Variants in ISG20 observed in about 807,000 individuals in gnomAD.
The protein encoded by ISG20 is interferon-stimulated gene 20 kDa protein.
ISG20 carries 8 observed loss-of-function variants against 11.1 expected under a neutral mutation model. The observed-to-expected ratio is 0.72, with a 90% CI of 0.42 to 1.30. ISG20 has a LOEUF of 1.30. Ranked by LOEUF, ISG20 falls within the 50% of genes most tolerant of loss-of-function variation. ISG20 has a pLI of 0.01. For missense variants in ISG20, 243 were observed against 250.2 expected (o/e 0.97, Z 0.19); for synonymous variants, 110 against 101.7 (o/e 1.08, Z -0.49).
intron 2 of ISG20, among the ~76,000 whole-genome samples, chr15:88,640,195 G>A (rs1367053936): frequency 1.3e-5 from 2 of 152,176 alleles, no homozygotes; most frequent in African/African-American, 4.8e-5. Context: ...AAACTTAAAG[G>A]TGTCAACACG....
At chr15:88,654,490 G>GAC (rs1477075138) in intron 3 of ISG20, among the ~76,000 whole-genome samples, 1 of 152,218 alleles carries the variant, frequency 6.6e-6, no homozygotes, top group African/African-American at 2.4e-5. Flanking sequence ...GTCCTCTCTC[G>GAC]ACAGAGGGAC....
chr15:88,651,773 A>C lies in ISG20; in HGVS notation c.229-337A>C. On this transcript the variant is annotated intron_variant, in intron 2 of 3. Coordinates refer to ENST00000306072, the MANE Select transcript of ISG20 (RefSeq NM_002201.6). ...GTCATTATTCTGCCTGCCATAATAG[A>C]ATTGTTGGGAAGATTAAACAACATA... 3 of 1,082,522 alleles carry C rather than the reference A, an allele frequency of 2.8e-6. No individual in the cohort carries two copies. In the South Asian group the frequency reaches 9.0e-5, roughly 33 times the overall value. The allele number at this position is 1,082,522 out of a possible 1,614,324, so 67.1% of individuals were successfully genotyped here. A position where few individuals can be genotyped will look rare whatever the true frequency, so the allele number is the denominator to read the frequency against.
rs2058119229 is a variant in ISG20, at chr15:88,643,649, A to C, written c.228+4055A>C. On this transcript the variant is annotated intron_variant, in intron 2 of 3. Transcript: ENST00000306072. This position sits in a 1 kb window ranked among gnomAD's most constrained non-coding sequence, Gnocchi z 4.4. ...AACCCAGGAGGCGGAAGTTGCAGTG[A>C]GCCAAGATCGTGCCACTGCCACTCC... Among the ~76,000 whole-genome samples, 1 of 152,196 alleles carries C rather than the reference A, an allele frequency of 6.6e-6. No homozygotes were observed. Among genetic ancestry groups the C allele is most frequent in the South Asian group, 2.1e-4 (1 of 4,836 alleles).
At chr15:88,638,409 C>T (rs764581555), upstream of ISG20, among the ~76,000 whole-genome samples, 1 of 152,218 alleles carries the variant, frequency 6.6e-6, no homozygotes, top group Non-Finnish European at 1.5e-5. Context: ...TCCCCGAAGG[C>T]CTGCTTCTCC....
At position 88,643,658 on chromosome 15, in the gene ISG20, C is replaced by T. The variant is rs975948362; in HGVS notation, c.228+4064C>T. On this transcript the variant is annotated intron_variant, in intron 2 of 3. Coordinates refer to ENST00000306072, the MANE Select transcript of ISG20 (RefSeq NM_002201.6). This position sits in a 1 kb window ranked among gnomAD's most constrained non-coding sequence, Gnocchi z 4.4. ...GGCGGAAGTTGCAGTGAGCCAAGAT[C>T]GTGCCACTGCCACTCCAGCCTGGGC... Among the ~76,000 whole-genome samples the T allele has an allele frequency of 1.3e-5, 2 of 152,128 alleles. No homozygotes were observed. Among genetic ancestry groups the T allele is most frequent in the African/African-American group, 2.4e-5 (1 of 41,412 alleles).
chr15:88,652,601 C>T (rs1472036546), intron 3 of ISG20, among the ~76,000 whole-genome samples: 2 of 89,388 alleles, frequency 2.2e-5, no homozygotes, highest in Non-Finnish European at 4.6e-5. Flanking sequence ...CGCTCTTCTC[C>T]CCTTCTTCCC....
intron 2 of ISG20, among the ~76,000 whole-genome samples, chr15:88,641,342 C>T (rs781073760): frequency 3.3e-5 from 5 of 151,952 alleles, no homozygotes; most frequent in Non-Finnish European, 5.9e-5. Flanking sequence ...AACTGGGGCT[C>T]GCTTGATTAT....
chr15:88,643,936 C>T lies in ISG20; in HGVS notation c.228+4342C>T, dbSNP rs955522298. Among the ~76,000 whole-genome samples the T allele has an allele frequency of 3.9e-5, 6 of 152,126 alleles. 1 individual carries two copies. In the South Asian group the frequency reaches 1.0e-3, roughly 26 times the overall value. On this transcript the variant is annotated intron_variant, in intron 2 of 3. Coordinates refer to ENST00000306072, the MANE Select transcript of ISG20 (RefSeq NM_002201.6). This position sits in a 1 kb window ranked among gnomAD's most constrained non-coding sequence, Gnocchi z 4.4. ...TGTTCCAATGAGCATTTCCTTTGAG[C>T]GTCATGTTGGCACTCAGAAAGTTTA...
chr15:88,650,260 C>T lies in ISG20; in HGVS notation c.229-1850C>T, dbSNP rs1596057727. 3 of 1,535,596 alleles carry T rather than the reference C, an allele frequency of 2.0e-6. No individual in the cohort carries two copies. Among genetic ancestry groups the T allele is most frequent in the East Asian group, 4.9e-5 (2 of 40,922 alleles). ...GTCCCCTTCCCATCCTCTCCAACGG[C>T]AGCTGAGTGAAAGCAAGCTGACTGG... On this transcript the variant is annotated intron_variant, in intron 2 of 3. Coordinates refer to ENST00000306072, the MANE Select transcript of ISG20 (RefSeq NM_002201.6). This position sits in a 1 kb window ranked among gnomAD's most constrained non-coding sequence, Gnocchi z 4.0.
At chr15:88,644,686 G>C (rs2058141007) in intron 2 of ISG20, among the ~76,000 whole-genome samples, 1 of 152,176 alleles carries the variant, frequency 6.6e-6, no homozygotes, top group Admixed American at 6.5e-5. Flanking sequence ...AGAAAGGTGA[G>C]GGCAACATGA....
rs764337407 is a variant in ISG20 at position 88,639,564 on chromosome 15, G to A, written c.198G>A (p.Gly66=). The change falls in exon 2 of 4, where the codon GGG becomes GGA. Residue 66 remains glycine (G), a synonymous_variant. Coordinates refer to ENST00000306072, the MANE Select transcript of ISG20 (RefSeq NM_002201.6). The surrounding 1 kb of genome is among the most constrained non-coding windows in gnomAD (Gnocchi z 4.2). ...VSGVTPQHMV[G]ATPFAVARLE... Reference sequence around the variant, plus strand: ...GGGTCACCCCTCAGCACATGGTGGGGGCCACACCATTTGCCGTGGCCAGGC... The same window carrying A: ...GGGTCACCCCTCAGCACATGGTGGGAGCCACACCATTTGCCGTGGCCAGGC... The A allele has an allele frequency of 2.5e-6, 4 of 1,614,164 alleles. No individual in the cohort carries two copies. In the East Asian group the frequency reaches 8.9e-5, roughly 36 times the overall value.
In ISG20 at chr15:88,650,916, A is replaced by G. The variant is rs536474307; in HGVS notation, c.229-1194A>G. ...GCCTCCCGAGTAACTGGGAATAGCC[A>G]CGGCGCATGGGTAATTTTTGCATTT... On this transcript the variant is annotated intron_variant, in intron 2 of 3. Coordinates refer to ENST00000306072, the MANE Select transcript of ISG20 (RefSeq NM_002201.6). The surrounding 1 kb of genome is among the most constrained non-coding windows in gnomAD (Gnocchi z 4.0). 1 of 152,734 alleles carries G rather than the reference A, an allele frequency of 6.5e-6. No individual in the cohort carries two copies. The highest frequency in any genetic ancestry group is 1.5e-5 in the Non-Finnish European group (1 of 68,524). The allele number at this position is 152,734 out of a possible 1,614,324, so 9.5% of individuals were successfully genotyped here.
At chr15:88,652,074 G>T in intron 2 of ISG20, 36 bp from the exon 3 acceptor site, 1 of 1,613,226 alleles carries the variant, frequency 6.2e-7, no homozygotes, top group Non-Finnish European at 8.5e-7. Flanking sequence ...GAAGATGCTG[G>T]GTCATGTAGG....
rs186911322 is a variant in ISG20 at position 88,650,483 on chromosome 15, C to A, written c.229-1627C>A. On this transcript the variant is annotated intron_variant, in intron 2 of 3. Coordinates refer to ENST00000306072, the MANE Select transcript of ISG20 (RefSeq NM_002201.6). This position sits in a 1 kb window ranked among gnomAD's most constrained non-coding sequence, Gnocchi z 4.0. ...AGGCCTGGCTTTGCCACTAACTAGC[C>A]GTGTGACTGTCCCAGTTATCAAATG... 95 of 1,422,870 alleles carry A rather than the reference C, an allele frequency of 6.7e-5. No homozygotes were observed. In the African/African-American group the frequency reaches 1.2e-3, roughly 18 times the overall value. 88.1% of individuals were successfully genotyped at this position (1,422,870 alleles called of 1,614,324 possible). A position where few individuals can be genotyped will look rare whatever the true frequency, so the allele number is the denominator to read the frequency against.
chr15:88,644,313 C>T (rs1212775457), intron 2 of ISG20, among the ~76,000 whole-genome samples: 1 of 151,950 alleles, frequency 6.6e-6, no homozygotes, highest in East Asian at 1.9e-4. Flanking sequence ...GTGGGCAGAT[C>T]ACCAGAGGTC....
upstream of ISG20, among the ~76,000 whole-genome samples, chr15:88,636,877 G>A (rs1291677895): frequency 2.0e-5 from 3 of 152,158 alleles, no homozygotes; most frequent in Non-Finnish European, 2.9e-5. Flanking sequence ...ATGGAAAGAC[G>A]TCATGGAATG....
Position 88,652,160 on chromosome 15 carries a change from C to T in ISG20, c.279C>T (p.His93=), listed in dbSNP as rs755528093. 46 of 1,613,968 alleles carry T rather than the reference C, an allele frequency of 2.9e-5. No homozygotes were observed. The highest frequency in any genetic ancestry group is 3.3e-5 in the Non-Finnish European group (39 of 1,180,004). ...TGGTGGTGGGTCATGACCTGAAGCA[C>T]GACTTCCAGGCACTGAAAGAGGACA... is the stretch of plus-strand genomic sequence containing the variant. ...GKLVVGHDLK[H]DFQALKEDMS... Residue 93 remains histidine (H), a synonymous_variant, in exon 3 of 4, where the codon CAC becomes CAT. Transcript: ENST00000306072.
chr15:88,644,803 C>T (rs1030127500), intron 2 of ISG20, among the ~76,000 whole-genome samples: 10 of 152,254 alleles, frequency 6.6e-5, no homozygotes, highest in African/African-American at 2.2e-4. Flanking sequence ...CAGTATGTCC[C>T]TCTCCTTCCT....
At chr15:88,652,060 C>A in intron 2 of ISG20, 50 bp from the exon 3 acceptor site, 1 of 1,610,904 alleles carries the variant, frequency 6.2e-7, no homozygotes, top group Non-Finnish European at 8.5e-7. Flanking sequence ...CCCAGCCCCA[C>A]CCAGAAGATG....
Sources: allele counts gnomAD v4.1 joint callset (sites outside exome capture counted in the v4.1 genomes callset), GRCh38; gene constraint gnomAD v4.1.1; non-coding constraint Gnocchi (gnomAD v3.1); transcripts MANE v1.5; gene names NCBI Gene and HGNC (gene_info 2026-07-23, HGNC 2026-07-21).